The following WWP1 variants were observed in gnomAD, a reference collection of about 807,000 sequenced individuals.
WWP1 encodes the protein NEDD4-like E3 ubiquitin-protein ligase WWP1.
In WWP1, 49 loss-of-function variants were observed where a neutral mutation model predicts 130.6. The observed-to-expected ratio is 0.38, with a 90% CI of 0.30 to 0.48. The LOEUF is 0.48. WWP1 is among the 20% of genes least tolerant of loss of function. WWP1 has a pLI of 0.99. For missense variants in WWP1, 809 were observed against 1,100.6 expected, an observed-to-expected ratio of 0.74 and a Z score of 3.75; for synonymous variants, 332 against 367.8, an observed-to-expected ratio of 0.90 and a Z score of 1.11.
In WWP1 at chr8:86,398,469, A is replaced by G; in HGVS notation, c.462A>G (p.Ser154=). Reference sequence around the variant, plus strand: ...AAGAAAATATAACAAACTGCAGCTCATCTCCAACCAGTAAGCTAACTTTAT... The same window carrying G: ...AAGAAAATATAACAAACTGCAGCTCGTCTCCAACCAGTAAGCTAACTTTAT... The part of the protein sequence containing the change: ...IEQENITNCS[S]SPTIEIQENG... The change falls in exon 6 of 25, where the codon TCA becomes TCG. Residue 154 remains serine, a synonymous_variant. Coordinates refer to ENST00000517970, the MANE Select transcript of WWP1 (RefSeq NM_007013.4). The G allele has an allele frequency of 6.2e-7, 1 of 1,612,046 alleles. No homozygotes were observed. Among genetic ancestry groups the G allele is most frequent in the Non-Finnish European group, 8.5e-7 (1 of 1,178,884 alleles).
rs76313466 is a variant in WWP1, at chr8:86,434,324, G to A, written c.1602-1128G>A. ...TCTCTTCAACCTCCTCTTGGTTTTC[G>A]CTCCTCCTCATTCACCGTGTTCTAG... On this transcript the variant is annotated intron_variant, in intron 14 of 24. Transcript: ENST00000517970. Among the ~76,000 whole-genome samples, 1,097 of 152,142 alleles carry A rather than the reference G, an allele frequency of 7.2e-3. 14 individuals are homozygous for A. The highest frequency in any genetic ancestry group is 0.025 in the African/African-American group (1,044 of 41,496).
chr8:86,365,723 G>T (rs898878932), intron 1 of WWP1, among the ~76,000 whole-genome samples: 3 of 152,174 alleles, frequency 2.0e-5, no homozygotes, highest in African/African-American at 7.2e-5. Flanking sequence ...AGCACTTTGG[G>T]AGGCCCAGGT....
chr8:86,461,097 C>T lies in WWP1; in HGVS notation c.2500-127C>T, dbSNP rs1306757901. On this transcript the variant is annotated intron_variant, in intron 22 of 24. Transcript: ENST00000517970. ...ATGCTGGGATTACAGGTGTGAGCCA[C>T]CACGCCCAACCTTTAGCACATCTTT... is the stretch of plus-strand genomic sequence containing the variant. 3 of 830,556 alleles carry T rather than the reference C, an allele frequency of 3.6e-6. No homozygotes were observed. In the East Asian group the frequency reaches 8.5e-5, roughly 23 times the overall value. The allele number at this position is 830,556 out of a possible 1,614,324, so 51.4% of individuals were successfully genotyped here.
intron 3 of WWP1, among the ~76,000 whole-genome samples, chr8:86,380,315 CAG>C (rs1314789095): frequency 6.6e-6 from 1 of 151,752 alleles, no homozygotes; most frequent in African/African-American, 2.4e-5. Context: ...TTTAAAGAGA[CAG>C]AGAGTAGGTT....
At chr8:86,423,003 A>G (rs1809315499) in intron 9 of WWP1, among the ~76,000 whole-genome samples, 2 of 151,590 alleles carry the variant, frequency 1.3e-5, no homozygotes, top group African/African-American at 4.8e-5. Context: ...TAGCAAAATC[A>G]GTATATTATT....
At chr8:86,429,047 A>G (rs767512952) in intron 11 of WWP1, among the ~76,000 whole-genome samples, 8 of 152,178 alleles carry the variant, frequency 5.3e-5, no homozygotes, top group Non-Finnish European at 7.4e-5. Flanking sequence ...CAGTAGTGTC[A>G]TCAAGGACCC....
At chr8:86,432,190 G>T (rs1810015819) in intron 14 of WWP1, among the ~76,000 whole-genome samples, 1 of 152,178 alleles carries the variant, frequency 6.6e-6, no homozygotes, top group African/African-American at 2.4e-5. Flanking sequence ...TCAGTGAAAT[G>T]ATTTTTCCAG....
chr8:86,397,444 A>ATT (rs201441962), intron 5 of WWP1, among the ~76,000 whole-genome samples: 1 of 151,850 alleles, frequency 6.6e-6, no homozygotes, highest in Non-Finnish European at 1.5e-5. Flanking sequence ...TCAAATACTT[A>ATT]TTTTTTTTGT....
intron 3 of WWP1, among the ~76,000 whole-genome samples, chr8:86,379,211 C>T (rs918531709): frequency 3.9e-5 from 6 of 152,160 alleles, no homozygotes; most frequent in South Asian, 2.1e-4. Flanking sequence ...AGTCCAGTGG[C>T]GCTGAACTTA....
chr8:86,342,949 G>A lies in WWP1; in HGVS notation c.-115+19G>A. ...GCGCCGGGTAAGGACGGCGCGGCGC[G>A]GGGCTGGGGGTGCGAATGGGCAGGG... On this transcript the variant is annotated intron_variant, in intron 1 of 24. Transcript: ENST00000517970. 1 of 334,428 alleles carries A rather than the reference G, an allele frequency of 3.0e-6. No individual in the cohort carries two copies. The allele number at this position is 334,428 out of a possible 1,614,324, so 20.7% of individuals were successfully genotyped here. A position where few individuals can be genotyped will look rare whatever the true frequency, so the allele number is the denominator to read the frequency against.
chr8:86,411,962 A>T (rs1264688885), intron 9 of WWP1, 88 bp downstream of exon 9: 2 of 1,260,894 alleles, frequency 1.6e-6, no homozygotes, highest in Non-Finnish European at 2.2e-6. Flanking sequence ...AAATGTTTTC[A>T]TTGTTCAGAA....
At chr8:86,466,415 A>ACT (rs1812137293) in intron 24 of WWP1, among the ~76,000 whole-genome samples, 1 of 152,176 alleles carries the variant, frequency 6.6e-6, no homozygotes, top group African/African-American at 2.4e-5. Flanking sequence ...CAGTTATATA[A>ACT]AAAATTCTCG....
At chr8:86,436,585 C>G (rs372477125) in intron 16 of WWP1, among the ~76,000 whole-genome samples, 5 of 152,228 alleles carry the variant, frequency 3.3e-5, no homozygotes, top group East Asian at 1.9e-4. Context: ...CTGCCTAGTA[C>G]GTAGAATAGT....
intron 1 of WWP1, among the ~76,000 whole-genome samples, chr8:86,343,505 C>A (rs1822363276): frequency 6.8e-6 from 1 of 147,988 alleles, no homozygotes; most frequent in African/African-American, 2.5e-5. Context: ...TTTACCAGTC[C>A]TTATCTTGTC....
chr8:86,411,915 C>T (rs1808609142), intron 9 of WWP1, 41 bp downstream of exon 9: 4 of 1,516,816 alleles, frequency 2.6e-6, no homozygotes, highest in Non-Finnish European at 3.6e-6. Context: ...ATTTAAGTAG[C>T]AACTCTGTTA....
At chr8:86,405,210 A>G (rs1808205700) in intron 8 of WWP1, 1 of 152,166 alleles carries the variant, frequency 6.6e-6, no homozygotes, top group South Asian at 2.1e-4. Context: ...TTCAAAAATT[A>G]GCTTTTGTTT....
intron 9 of WWP1, among the ~76,000 whole-genome samples, chr8:86,417,051 C>T (rs138652072): frequency 2.8e-3 from 432 of 152,246 alleles, no homozygotes; most frequent in African/African-American, 9.8e-3. Context: ...CATCTCAGCA[C>T]GGTGATACCT....
rs188885210 is a variant in WWP1, at chr8:86,408,973, C to T, written c.725-2565C>T. On this transcript the variant is annotated intron_variant, in intron 8 of 24. Coordinates refer to ENST00000517970, the MANE Select transcript of WWP1 (RefSeq NM_007013.4). ...AGTAATCTTGTTGTTGATCTTGTGT[C>T]TGTTCATTTTGCTGAAATGTTTTAG... Among the ~76,000 whole-genome samples the T allele has an allele frequency of 1.7e-4, 26 of 151,962 alleles. 1 individual carries two copies. The East Asian group carries it at 4.8e-3, about 28-fold the overall frequency.
In WWP1 at chr8:86,365,120, A is replaced by G. The variant is rs184682637; in HGVS notation, c.-114-3819A>G. 7.0e-4 allele frequency among the ~76,000 whole-genome samples: 107 copies of G among 152,298 alleles called. 3 individuals are homozygous for G. Among genetic ancestry groups the G allele is most frequent in the Admixed American group, 5.1e-3 (78 of 15,300 alleles). On this transcript the variant is annotated intron_variant, in intron 1 of 24. Transcript: ENST00000517970. ...AACCAAAAGGCTCAGAAAAAAATCT[A>G]TGTATTAACGTTAATTAAAAATTAA...
Sources: allele counts gnomAD v4.1 joint callset (sites outside exome capture counted in the v4.1 genomes callset), GRCh38; gene constraint gnomAD v4.1.1; transcripts MANE v1.5; gene names NCBI Gene and HGNC (gene_info 2026-07-23, HGNC 2026-07-21).